Variants in LIN9 observed in about 807,000 individuals in gnomAD.
The protein encoded by LIN9 is protein lin-9 homolog.
Under a neutral mutation model 78.0 loss-of-function variants are expected in LIN9, and 18 were observed. The observed-to-expected ratio is 0.23, with a 90% CI of 0.16 to 0.34. The LOEUF (loss-of-function observed/expected upper bound fraction) is 0.34. LIN9 is among the 10% of genes least tolerant of loss of function. LIN9 has a pLI of 1.00. For synonymous variants in LIN9, 192 were observed against 215.2 expected (o/e 0.89, Z 0.94); for missense variants, 451 against 644.1 (o/e 0.70, Z 3.25).
chr1:226,294,943 G>A (rs1662047727), intron 4 of LIN9, among the ~76,000 whole-genome samples: 1 of 151,818 alleles, frequency 6.6e-6, no homozygotes, highest in Non-Finnish European at 1.5e-5. Context: ...GAGATTACAG[G>A]CGTGTGCCAC....
At chr1:226,266,422 T>G (rs1031491170) in intron 8 of LIN9, 90 bp from the exon 9 acceptor site, 14 of 1,007,288 alleles carry the variant, frequency 1.4e-5, no homozygotes, top group Non-Finnish European at 1.8e-5. Context: ...AGATATATAT[T>G]CACGCATATT....
chr1:226,295,471 C>CAT (rs994865097), intron 4 of LIN9, among the ~76,000 whole-genome samples: 17 of 150,938 alleles, frequency 1.1e-4, no homozygotes, highest in African/African-American at 4.1e-4. Flanking sequence ...TATAAATAAA[C>CAT]ATATATATAT....
At chr1:226,296,053 G>A (rs1342020537) in intron 3 of LIN9, 107 bp from the exon 4 acceptor site, 7 of 660,166 alleles carry the variant, frequency 1.1e-5, no homozygotes, top group Non-Finnish European at 1.8e-5. Flanking sequence ...ATTATCAGCA[G>A]TATGGAAGGA....
intron 10 of LIN9, among the ~76,000 whole-genome samples, chr1:226,264,083 C>CAAAT (rs1038229709): frequency 2.0e-5 from 3 of 151,540 alleles, no homozygotes; most frequent in African/African-American, 2.4e-5. Flanking sequence ...CTCAAACAAA[C>CAAAT]AAATAAATAA....
At chr1:226,240,298 C>CG (rs376154701) in intron 11 of LIN9, among the ~76,000 whole-genome samples, 207 of 151,888 alleles carry the variant, frequency 1.4e-3, no homozygotes, top group African/African-American at 4.7e-3. Flanking sequence ...AGGCTAGACT[C>CG]GAACTCCTGG....
At chr1:226,299,458 T>C (rs1662373439) in intron 2 of LIN9, among the ~76,000 whole-genome samples, 1 of 148,374 alleles carries the variant, frequency 6.7e-6, no homozygotes, top group Non-Finnish European at 1.5e-5. Flanking sequence ...AGCCAAGATA[T>C]TGTGCCACTG....
chr1:226,238,324 G>T (rs1054921572), intron 12 of LIN9, among the ~76,000 whole-genome samples: 2 of 152,206 alleles, frequency 1.3e-5, no homozygotes, highest in Admixed American at 6.5e-5. Flanking sequence ...AGACTAAGAA[G>T]AAATAAAGCA....
intron 11 of LIN9, among the ~76,000 whole-genome samples, chr1:226,244,678 C>T (rs915772117): frequency 4.6e-5 from 7 of 152,162 alleles, no homozygotes; most frequent in African/African-American, 1.7e-4. Context: ...AGTTCATGAT[C>T]AAGGGTATGG....
chr1:226,299,353 A>T (rs1662367331), intron 2 of LIN9, among the ~76,000 whole-genome samples: 1 of 151,988 alleles, frequency 6.6e-6, no homozygotes, highest in Non-Finnish European at 1.5e-5. Context: ...AAAATACAAA[A>T]ATTAGCCAGG....
intron 11 of LIN9, among the ~76,000 whole-genome samples, chr1:226,243,598 AGGC>A (rs1658252587): frequency 6.7e-6 from 1 of 148,512 alleles, no homozygotes; most frequent in Non-Finnish European, 1.5e-5. Context: ...TGGGAGGTTG[AGGC>A]AGGAGAATCG....
intron 1 of LIN9, among the ~76,000 whole-genome samples, chr1:226,307,935 T>G (rs1383465862): frequency 6.6e-6 from 1 of 152,206 alleles, no homozygotes; most frequent in Non-Finnish European, 1.5e-5. Context: ...CTATCAAATT[T>G]AAAACACAAA....
intron 12 of LIN9, among the ~76,000 whole-genome samples, chr1:226,238,438 C>A (rs1657881017): frequency 6.6e-6 from 1 of 152,076 alleles, no homozygotes; most frequent in African/African-American, 2.4e-5. Context: ...TGAGACCAGC[C>A]TGAGCAACAT....
intron 12 of LIN9, among the ~76,000 whole-genome samples, chr1:226,234,449 ATATT>A (rs1441288167): frequency 2.6e-5 from 4 of 152,172 alleles, no homozygotes; most frequent in African/African-American, 4.8e-5. Context: ...ATCTCTTACT[ATATT>A]TATTTATTCT....
chr1:226,304,604 C>T (rs1453253179), intron 1 of LIN9, among the ~76,000 whole-genome samples: 2 of 152,110 alleles, frequency 1.3e-5, no homozygotes, highest in East Asian at 3.8e-4. Context: ...TGAGTACAGA[C>T]GGTTTCTCTG....
At chr1:226,241,646 C>T (rs1446661412) in intron 11 of LIN9, among the ~76,000 whole-genome samples, 4 of 152,086 alleles carry the variant, frequency 2.6e-5, no homozygotes, top group African/African-American at 9.7e-5. Context: ...ATCACGAGGT[C>T]AGGAGATCGA....
intron 10 of LIN9, among the ~76,000 whole-genome samples, chr1:226,260,278 CCT>C (rs1355073554): frequency 1.3e-5 from 2 of 152,200 alleles, no homozygotes; most frequent in Admixed American, 6.5e-5. Flanking sequence ...TTATACCCAA[CCT>C]CTGTTATGTT....
At chr1:226,236,029 T>A (rs1266389831) in intron 12 of LIN9, among the ~76,000 whole-genome samples, 3 of 152,194 alleles carry the variant, frequency 2.0e-5, no homozygotes, top group Non-Finnish European at 2.9e-5. Flanking sequence ...AATAGAGAAC[T>A]TCCTCTCTTA....
At chr1:226,285,629 T>A (rs1221583289) in intron 6 of LIN9, among the ~76,000 whole-genome samples, 2 of 152,106 alleles carry the variant, frequency 1.3e-5, no homozygotes, top group African/African-American at 4.8e-5. Flanking sequence ...TAATATAAGG[T>A]TTTCCAATGT....
intron 10 of LIN9, among the ~76,000 whole-genome samples, chr1:226,255,674 C>G (rs904686817): frequency 6.6e-6 from 1 of 152,052 alleles, no homozygotes; most frequent in African/African-American, 2.4e-5. Context: ...AAATAGCATG[C>G]AAGAACAGAT....
Sources: allele counts gnomAD v4.1 joint callset (sites outside exome capture counted in the v4.1 genomes callset), GRCh38; gene constraint gnomAD v4.1.1; transcripts MANE v1.5; gene names NCBI Gene and HGNC (gene_info 2026-07-23, HGNC 2026-07-21).